The following DQX1 variants were observed in gnomAD, a reference collection of about 807,000 sequenced individuals.
DQX1 encodes ATP-dependent RNA helicase homolog DQX1.
A neutral mutation model predicts 81.3 loss-of-function variants in DQX1; 66 were observed. The observed-to-expected ratio is 0.81, with a 90% CI of 0.67 to 1.00. The LOEUF is 1.00. Ranked by LOEUF, DQX1 falls within the 50% of genes least tolerant of loss-of-function variation. The probability of loss-of-function intolerance (pLI) is 0.00; values close to 1 mark genes in which losing one functional copy is unlikely to be tolerated. For synonymous variants in DQX1, 290 were observed against 350.0 expected (o/e 0.83, Z 1.91); for missense variants, 798 against 867.9 (o/e 0.92, Z 1.01).
At chr2:74,519,530 C>T (rs779232287) in intron 10 of DQX1, 26 bp downstream of exon 10, 25 of 1,610,812 alleles carry the variant, frequency 1.6e-5, no homozygotes, top group Non-Finnish European at 2.1e-5. Flanking sequence ...CCTTTGATCA[C>T]CCTCACCCCC....
At chr2:74,522,800 T>C in intron 7 of DQX1, 29 bp from the exon 8 acceptor site, 1 of 1,613,322 alleles carries the variant, frequency 6.2e-7, no homozygotes, top group South Asian at 1.1e-5. Flanking sequence ...TTACAGGATA[T>C]GAAGTTTCAG....
intron 8 of DQX1, among the ~76,000 whole-genome samples, chr2:74,520,592 G>C (rs1383595406): frequency 6.6e-6 from 1 of 152,200 alleles, no homozygotes; most frequent in African/African-American, 2.4e-5. Context: ...GTAAGGTCAT[G>C]AGAGGCTGGA....
Position 74,519,451 on chromosome 2 carries a change from CT to C in DQX1, c.1806+104del, listed in dbSNP as rs1290677860. The C allele has an allele frequency of 2.0e-6, 3 of 1,471,026 alleles. No individual in the cohort carries two copies. The Admixed American group carries it at 6.4e-5, about 31-fold the overall frequency. The allele number at this position is 1,471,026 out of a possible 1,614,324, so 91.1% of individuals were successfully genotyped here. ...AAAGTCCTTTCTGGTTCTAAAGAAT[CT>C]TTTGAATGGCCACCTGGACCCTGAT... is the stretch of plus-strand genomic sequence containing the variant. On this transcript the variant is annotated intron_variant, in intron 10 of 11. Transcript: ENST00000404568.
Position 74,525,018 on chromosome 2 carries a change from G to C in DQX1, c.422C>G (p.Thr141Ser). The C allele has an allele frequency of 6.2e-7, 1 of 1,613,902 alleles. No individual in the cohort carries two copies. The highest frequency in any genetic ancestry group is 8.5e-7 in the Non-Finnish European group (1 of 1,179,894). Residue 141 changes from threonine (T) to serine (S), a missense_variant, in exon 3 of 12, where the codon ACC becomes AGC. Physicochemically the swap from Thr to Ser is moderately conservative, Grantham distance 58. Transcript: ENST00000404568. This position sits in a 1 kb window ranked among gnomAD's most constrained non-coding sequence, Gnocchi z 4.1. ...IPQEDCTGPN[T>S]LLRFCWDRLL... ...CTGCAGAGGCCCCCACCTGAGCAGG[G>C]TGTTGGGCCCCGTGCAGTCCTCCTG...
Position 74,519,608 on chromosome 2 carries a change from T to C in DQX1, c.1754A>G (p.Glu585Gly). Residue 585 changes from glutamate (E) to glycine (G), a missense_variant, in exon 10 of 12, where the codon GAG (glutamate) becomes GGG (glycine). Physicochemically the swap from Glu to Gly is moderately conservative, Grantham distance 98 (BLOSUM62 -2). Transcript: ENST00000404568. ...TTTCTGAAGGTCTCTGCGATTCTGC[T>C]CAGAGCCAAAGGCTGGTAGGGACAA... ...LPLSLPAFGSEQNRRDLQKAL... is the reference protein window; with the variant it reads ...LPLSLPAFGSGQNRRDLQKAL... 6.2e-7 allele frequency: 1 copy of C among 1,614,222 alleles called. No homozygotes were observed. Among genetic ancestry groups the C allele is most frequent in the Non-Finnish European group, 8.5e-7 (1 of 1,180,042 alleles).
intron 8 of DQX1, among the ~76,000 whole-genome samples, chr2:74,521,649 GAAAAAA>G (rs760123100): frequency 1.6e-5 from 2 of 122,164 alleles, no homozygotes; most frequent in Admixed American, 1.7e-4. Context: ...GACTTTGTCT[GAAAAAA>G]AAAAAAAAGA....
Position 74,523,291 on chromosome 2 carries a change from ATCTC to A in DQX1, c.1044+15_1044+18del, listed in dbSNP as rs770233601. ...TTTCTGTCTTTACTACCCCACCGCTATCTCTCTCTCTCACTCACACTTCGGAGCT... is the reference window on the plus strand; with the variant it reads ...TTTCTGTCTTTACTACCCCACCGCTATCTCTCTCACTCACACTTCGGAGCT... On this transcript the variant is annotated intron_variant, in intron 5 of 11. Coordinates refer to ENST00000404568, the MANE Select transcript of DQX1 (RefSeq NM_133637.3). 4.3e-6 allele frequency: 7 copies of A among 1,613,494 alleles called. No homozygotes were observed. Among genetic ancestry groups the A allele is most frequent in the East Asian group, 4.5e-5 (2 of 44,888 alleles).
rs931767714 is a variant in DQX1 at position 74,519,708 on chromosome 2, T to G, written c.1654A>C (p.Asn552His). 6.2e-7 allele frequency: 1 copy of G among 1,614,088 alleles called. No individual in the cohort carries two copies. The highest frequency in any genetic ancestry group is 8.5e-7 in the Non-Finnish European group (1 of 1,180,038). Residue 552 changes from asparagine (N) to histidine (H), a missense_variant, in exon 10 of 12, where the codon AAT (asparagine) becomes CAT (histidine). Transcript: ENST00000404568. ...TGGGCTTGGCACAATGCTGCCCAAT[T>G]CAGACCTCGAGCCTGGCACCAAGCC... Reference protein sequence around the residue: ...DEAWCQARGLNWAALCQAHKL... With the variant: ...DEAWCQARGLHWAALCQAHKL...
In DQX1 at chr2:74,525,036, T is replaced by C; in HGVS notation, c.404A>G (p.Asp135Gly). Residue 135 changes from aspartate (D) to glycine (G), a missense_variant, in exon 3 of 12, where the codon GAC becomes GGC. Asp to Gly is a moderately conservative substitution (Grantham distance 94). Transcript: ENST00000404568. The surrounding 1 kb of genome is among the most constrained non-coding windows in gnomAD (Gnocchi z 4.1). ...HEVGYSIPQE[D>G]CTGPNTLLRF... The stretch of plus-strand genomic sequence containing the variant: ...GAGCAGGGTGTTGGGCCCCGTGCAG[T>C]CCTCCTGGGGGATGCTGTATCCAAC... The C allele has an allele frequency of 6.2e-7, 1 of 1,614,080 alleles. No individual in the cohort carries two copies. Among genetic ancestry groups the C allele is most frequent in the Non-Finnish European group, 8.5e-7 (1 of 1,179,974 alleles).
intron 3 of DQX1, among the ~76,000 whole-genome samples, chr2:74,524,756 G>A (rs1675127739): frequency 2.0e-5 from 3 of 152,066 alleles, no homozygotes; most frequent in South Asian, 2.1e-4. Flanking sequence ...GGAGGTGCGC[G>A]CCTGTATTCC....
chr2:74,522,553 C>G (rs930251262), intron 8 of DQX1, 27 bp downstream of exon 8: 9 of 1,597,452 alleles, frequency 5.6e-6, no homozygotes, highest in Non-Finnish European at 7.7e-6. Context: ...GTTTCAAGAG[C>G]TATGGATTTA....
chr2:74,524,051 C>T lies in DQX1; in HGVS notation c.688G>A (p.Glu230Lys), dbSNP rs1675109973. The T allele has an allele frequency of 1.9e-6, 3 of 1,614,220 alleles. No homozygotes were observed. Among genetic ancestry groups the T allele is most frequent in the East Asian group, 2.2e-5 (1 of 44,890 alleles). Residue 230 changes from glutamate to lysine, a missense_variant, in exon 4 of 12, where the codon GAG becomes AAG. Glu to Lys is a moderately conservative substitution (Grantham distance 56, BLOSUM62 1). Transcript: ENST00000404568. ...TCCCAGTAGATGGGGGAAGGTCTCTCACCAGGCTCTCTGGGTATATGCACA... is the reference window on the plus strand; with the variant it reads ...TCCCAGTAGATGGGGGAAGGTCTCTTACCAGGCTCTCTGGGTATATGCACA... ...PIVHIPREPG[E>K]RPSPIYWDTI...
Position 74,522,479 on chromosome 2 carries a change from A to G in DQX1, c.1495+101T>C, listed in dbSNP as rs1675053442. The G allele has an allele frequency of 4.9e-6, 7 of 1,415,430 alleles. No individual in the cohort carries two copies. In the Admixed American group the frequency reaches 1.2e-4, roughly 23 times the overall value. 87.7% of individuals were successfully genotyped at this position (1,415,430 alleles called of 1,614,324 possible). On this transcript the variant is annotated intron_variant, in intron 8 of 11. Coordinates refer to ENST00000404568, the MANE Select transcript of DQX1 (RefSeq NM_133637.3). ...TCTTTAGGCATTGTGAGGGGTGGCA[A>G]CTGGAGCAGAGAGGAAAGGGCTAGC...
At chr2:74,518,630 T>C in intron 11 of DQX1, 28 bp from the exon 12 acceptor site, 11 of 1,606,756 alleles carry the variant, frequency 6.8e-6, no homozygotes, top group Non-Finnish European at 8.5e-6. Flanking sequence ...AATTAGATGA[T>C]CTGCATCTTC....
In DQX1 at chr2:74,525,672, C is replaced by A; in HGVS notation, c.58G>T (p.Glu20Ter). The A allele has an allele frequency of 1.3e-6, 2 of 1,551,770 alleles. No individual in the cohort carries two copies. Among genetic ancestry groups the A allele is most frequent in the Non-Finnish European group, 1.7e-6 (2 of 1,147,020 alleles). The change falls in exon 2 of 12, where the codon GAA becomes TAA. Residue 20 changes from glutamate to a stop codon, truncating the protein, a stop_gained. Coordinates refer to ENST00000404568, the MANE Select transcript of DQX1 (RefSeq NM_133637.3). LOFTEE classifies it high-confidence loss of function. This position sits in a 1 kb window ranked among gnomAD's most constrained non-coding sequence, Gnocchi z 4.1. The stretch of plus-strand genomic sequence containing the variant: ...CCATCAAAGGGGTTCACAGCCAGTT[C>A]AGACTCCCCAGGACTTGGGCCATAC... Reference protein sequence around the residue: ...EEYGPSPGESELAVNPFDGLP... With the variant: ...EEYGPSPGES
At chr2:74,522,374 G>C (rs1000740980) in intron 8 of DQX1, among the ~76,000 whole-genome samples, 19 of 152,154 alleles carry the variant, frequency 1.2e-4, no homozygotes, top group African/African-American at 4.6e-4. Flanking sequence ...GATTAGGAGA[G>C]ATTTAAGCAT....
At position 74,518,168 on chromosome 2, in the gene DQX1, AG is replaced by A. The variant is rs1247754099; in HGVS notation, c.*277del. On this transcript the variant is annotated 3_prime_UTR_variant, in exon 12 of 12. Coordinates refer to ENST00000404568, the MANE Select transcript of DQX1 (RefSeq NM_133637.3). ...AAAAATCTTTTATAGATCACAAGGGAGTACAAGAATGGGTTTGGCAAAGTTA... is the reference window on the plus strand; with the variant it reads ...AAAAATCTTTTATAGATCACAAGGGATACAAGAATGGGTTTGGCAAAGTTA... The A allele has an allele frequency of 1.6e-5, 6 of 380,044 alleles. No individual in the cohort carries two copies. The highest frequency in any genetic ancestry group is 4.1e-5 in the Admixed American group (1 of 24,098). 23.5% of individuals were successfully genotyped at this position (380,044 alleles called of 1,614,324 possible).
chr2:74,525,097 C>G lies in DQX1; in HGVS notation c.343G>C (p.Val115Leu), dbSNP rs769672048. 9.9e-6 allele frequency: 16 copies of G among 1,613,984 alleles called. No homozygotes were observed. Among genetic ancestry groups the G allele is most frequent in the Non-Finnish European group, 1.4e-5 (16 of 1,180,000 alleles). ...PLAARSLALR[V>L]ADEMDLTLGH... ...AGGGTCAGGTCCATCTCATCAGCAA[C>G]CCGCAGAGCCAGGCTCCGGGCTGCA... is the stretch of plus-strand genomic sequence containing the variant. Residue 115 changes from valine to leucine, a missense_variant, in exon 3 of 12, where the codon GTT (valine) becomes CTT (leucine). Physicochemically the swap from Val to Leu is conservative, Grantham distance 32. Transcript: ENST00000404568. The surrounding 1 kb of genome is among the most constrained non-coding windows in gnomAD (Gnocchi z 4.1).
At position 74,520,174 on chromosome 2, in the gene DQX1, C is replaced by T. The variant is rs372811115; in HGVS notation, c.1496-140G>A. ...ACATAGATAACTTCTAGGTGCTATG[C>T]ACTTTATTAAACATTGAGGATAAGT... On this transcript the variant is annotated intron_variant, in intron 8 of 11. Coordinates refer to ENST00000404568, the MANE Select transcript of DQX1 (RefSeq NM_133637.3). 5.6e-5 allele frequency: 63 copies of T among 1,132,904 alleles called. No homozygotes were observed. In the East Asian group the frequency reaches 1.0e-3, roughly 18 times the overall value. The allele number at this position is 1,132,904 out of a possible 1,614,324, so 70.2% of individuals were successfully genotyped here. A position where few individuals can be genotyped will look rare whatever the true frequency, so the allele number is the denominator to read the frequency against.
Sources: allele counts gnomAD v4.1 joint callset (sites outside exome capture counted in the v4.1 genomes callset), GRCh38; gene constraint gnomAD v4.1.1; non-coding constraint Gnocchi (gnomAD v3.1); transcripts MANE v1.5; gene names NCBI Gene and HGNC (gene_info 2026-07-23, HGNC 2026-07-21).